Variants in PKHD1 observed in about 807,000 individuals in gnomAD.
The protein encoded by PKHD1 is fibrocystin.
A neutral mutation model predicts 412.0 loss-of-function variants in PKHD1; 291 were observed. That is an observed-to-expected ratio of 0.71 (90% confidence interval 0.64 to 0.78). PKHD1 has a LOEUF of 0.78. PKHD1 is among the 30% of genes least tolerant of loss of function. PKHD1 has a pLI of 0.00. For missense variants in PKHD1, 4,825 were observed against 4,950.7 expected (o/e 0.97, Z 0.76); for synonymous variants, 1,777 against 1,821.5 (o/e 0.98, Z 0.62).
rs371119847 is a variant in PKHD1, at chr6:52,072,075, C to G, written c.602+40G>C. Reference sequence around the variant, plus strand: ...TGTGTGTTGTATCCATGTGGACGAACTTACAAGCATGTGCATTGGCAAGAT... The same window carrying G: ...TGTGTGTTGTATCCATGTGGACGAAGTTACAAGCATGTGCATTGGCAAGAT... On this transcript the variant is annotated intron_variant, in intron 8 of 66. Coordinates refer to ENST00000371117, the MANE Select transcript of PKHD1 (RefSeq NM_138694.4). 2.6e-6 allele frequency: 3 copies of G among 1,175,492 alleles called. No individual in the cohort carries two copies. The East Asian group carries it at 7.0e-5, about 27-fold the overall frequency. 72.8% of individuals were successfully genotyped at this position (1,175,492 alleles called of 1,614,324 possible).
intron 60 of PKHD1, among the ~76,000 whole-genome samples, chr6:51,694,716 G>A (rs1216142619): frequency 1.3e-5 from 2 of 151,984 alleles, no homozygotes; most frequent in East Asian, 1.9e-4. Context: ...TTTGTAAGTC[G>A]TGAGTAACCA....
chr6:51,948,137 G>T (rs1336837078), intron 36 of PKHD1, among the ~76,000 whole-genome samples: 1 of 152,020 alleles, frequency 6.6e-6, no homozygotes, highest in Non-Finnish European at 1.5e-5. Flanking sequence ...CTCACCCATG[G>T]ATTATTGTAA....
At chr6:52,083,395 C>T in intron 2 of PKHD1, 140 bp from the exon 3 acceptor site, 1 of 707,048 alleles carries the variant, frequency 1.4e-6, no homozygotes, top group Non-Finnish European at 2.6e-6. Flanking sequence ...ACCACATCCC[C>T]AGAGTTTCTG....
intron 61 of PKHD1, among the ~76,000 whole-genome samples, chr6:51,652,017 A>G (rs1331701496): frequency 2.0e-5 from 3 of 152,096 alleles, no homozygotes; most frequent in Non-Finnish European, 4.4e-5. Flanking sequence ...AGCAACCTGG[A>G]TTTGTCATTG....
chr6:51,991,358 C>T lies in PKHD1; in HGVS notation c.5751+18951G>A, dbSNP rs530591293. Among the ~76,000 whole-genome samples, 61 of 152,308 alleles carry T rather than the reference C, an allele frequency of 4.0e-4. 2 individuals carry two copies. The South Asian group carries it at 0.012, about 31-fold the overall frequency. ...ACAAACCCTAGATGCCTCACGCCTT[C>T]TAGAAATTCAAATAAATGTAAAATA... is the stretch of plus-strand genomic sequence containing the variant. On this transcript the variant is annotated intron_variant, in intron 35 of 66. Transcript: ENST00000371117.
intron 59 of PKHD1, among the ~76,000 whole-genome samples, chr6:51,746,223 T>C (rs1170456621): frequency 6.6e-6 from 1 of 152,114 alleles, no homozygotes; most frequent in Non-Finnish European, 1.5e-5. Flanking sequence ...AGTTCAGAGA[T>C]TCCTGTCAGC....
At chr6:51,731,123 A>T (rs1045431091) in intron 60 of PKHD1, among the ~76,000 whole-genome samples, 1 of 152,168 alleles carries the variant, frequency 6.6e-6, no homozygotes, top group African/African-American at 2.4e-5. Flanking sequence ...TATTGTACTG[A>T]AAGGATTAAA....
intron 53 of PKHD1, among the ~76,000 whole-genome samples, chr6:51,782,674 A>G (rs1392659796): frequency 6.6e-6 from 1 of 152,174 alleles, no homozygotes; most frequent in Non-Finnish European, 1.5e-5. Flanking sequence ...TACACATTGC[A>G]TATGTGGGTA....
At chr6:52,042,712 G>A in intron 27 of PKHD1, 147 bp downstream of exon 27, 1 of 743,198 alleles carries the variant, frequency 1.3e-6, no homozygotes, top group Non-Finnish European at 2.3e-6. Context: ...TCAAATGTTT[G>A]TTGCTCATTT....
rs372096963 is a variant in PKHD1 at position 51,920,103 on chromosome 6, T to C, written c.6122-7527A>G. ...ACAATTTGACTTCCTCTTTTCCTAA[T>C]TGAATACCCTTTATTTCTTTATCCT... On this transcript the variant is annotated intron_variant, in intron 37 of 66. Coordinates refer to ENST00000371117, the MANE Select transcript of PKHD1 (RefSeq NM_138694.4). Among the ~76,000 whole-genome samples the C allele has an allele frequency of 2.1e-4, 32 of 152,352 alleles. 1 individual carries two copies. The East Asian group carries it at 3.9e-3, about 18-fold the overall frequency.
At chr6:52,063,617 A>AT (rs1809022092) in intron 13 of PKHD1, among the ~76,000 whole-genome samples, 1 of 152,194 alleles carries the variant, frequency 6.6e-6, no homozygotes, top group Admixed American at 6.5e-5. Context: ...CACTATTGAT[A>AT]TTTTAGGCTG....
At chr6:51,792,040 G>A (rs1409535) in intron 52 of PKHD1, among the ~76,000 whole-genome samples, 89,310 of 151,960 alleles carry the variant, frequency 0.59, 26,979 homozygotes, top group East Asian at 0.83. Flanking sequence ...TATTTTTACT[G>A]TTGTCCCTTA....
Position 51,619,527 on chromosome 6 carries a change from G to A in PKHD1, c.11786-7C>T. ...ATGACCTTCATTCTCATATCTGGGG[G>A]GAAAAGAAATAGGGGAAGAAATGGA... On this transcript the variant is annotated splice_polypyrimidine_tract_variant and splice_region_variant and intron_variant, in intron 66 of 66. Transcript: ENST00000371117. The A allele has an allele frequency of 6.2e-7, 1 of 1,611,670 alleles. No homozygotes were observed. The highest frequency in any genetic ancestry group is 8.5e-7 in the Non-Finnish European group (1 of 1,177,848).
intron 35 of PKHD1, among the ~76,000 whole-genome samples, chr6:51,993,530 G>T (rs1300223162): frequency 6.6e-6 from 1 of 152,172 alleles, no homozygotes; most frequent in African/African-American, 2.4e-5. Context: ...AAAAAGAGGA[G>T]AAAAAATAAT....
chr6:51,702,211 A>G (rs925783240), intron 60 of PKHD1, among the ~76,000 whole-genome samples: 9 of 147,230 alleles, frequency 6.1e-5, no homozygotes, highest in African/African-American at 2.0e-4. Context: ...CGTATAATAT[A>G]TAATATATTA....
At chr6:51,969,632 A>G (rs1328433414) in intron 35 of PKHD1, among the ~76,000 whole-genome samples, 1 of 152,172 alleles carries the variant, frequency 6.6e-6, no homozygotes, top group Non-Finnish European at 1.5e-5. Flanking sequence ...GCTCCCACTT[A>G]TAAGTGAGAA....
intron 60 of PKHD1, among the ~76,000 whole-genome samples, chr6:51,697,752 A>T (rs111642903): frequency 1.7e-4 from 26 of 152,222 alleles, no homozygotes; most frequent in African/African-American, 5.8e-4. Flanking sequence ...ACTTCTTATC[A>T]TTTTAACACC....
intron 44 of PKHD1, among the ~76,000 whole-genome samples, chr6:51,886,926 C>T (rs1329545842): frequency 6.6e-6 from 1 of 152,146 alleles, no homozygotes; most frequent in Admixed American, 6.5e-5. Context: ...GGGGTGTATA[C>T]TTATCTCCAA....
intron 41 of PKHD1, 59 bp downstream of exon 41, chr6:51,906,156 T>C (rs1782048040): frequency 2.1e-6 from 3 of 1,458,278 alleles, no homozygotes; most frequent in Non-Finnish European, 2.9e-6. Flanking sequence ...GGAGAATTCA[T>C]TGTGAAAAAC....
Sources: allele counts gnomAD v4.1 joint callset (sites outside exome capture counted in the v4.1 genomes callset), GRCh38; gene constraint gnomAD v4.1.1; transcripts MANE v1.5; gene names NCBI Gene and HGNC (gene_info 2026-07-23, HGNC 2026-07-21).